DNAJC10: variants seen among roughly 807,000 people sequenced by gnomAD.
The protein encoded by DNAJC10 is DnaJ heat shock protein family (Hsp40) member C10.
DNAJC10 carries 101 observed loss-of-function variants against 115.0 expected under a neutral mutation model. That is an observed-to-expected ratio of 0.88 (90% CI 0.75 to 1.04). DNAJC10 has a LOEUF of 1.04. Among genes scored for constraint, DNAJC10 ranks in the 50% least tolerant of loss-of-function variants. The probability of loss-of-function intolerance (pLI) is 0.00; values close to 1 mark genes in which losing one functional copy is unlikely to be tolerated. For missense variants in DNAJC10, 981 were observed against 928.8 expected, an observed-to-expected ratio of 1.06 and a Z score of -0.73; for synonymous variants, 307 against 301.5, an observed-to-expected ratio of 1.02 and a Z score of -0.19.
In DNAJC10 at chr2:182,720,080, G is replaced by C. The variant is rs969357396; in HGVS notation, c.278G>C (p.Arg93Pro). 6 of 1,608,606 alleles carry C rather than the reference G, an allele frequency of 3.7e-6. No individual in the cohort carries two copies. Among genetic ancestry groups the C allele is most frequent in the Non-Finnish European group, 5.1e-6 (6 of 1,175,704 alleles). ...GAAGTACTCAAAGATGAAGATCTAC[G>C]GAAAAAGTATGACAAATATGGAGAA... ...AYEVLKDEDL[R>P]KKYDKYGEKG... The change falls in exon 4 of 24, where the codon CGG becomes CCG. Residue 93 changes from arginine to proline, a missense_variant. Coordinates refer to ENST00000264065, the MANE Select transcript of DNAJC10 (RefSeq NM_018981.4).
chr2:182,730,260 C>T (rs1693409695), intron 8 of DNAJC10, among the ~76,000 whole-genome samples: 1 of 152,134 alleles, frequency 6.6e-6, no homozygotes, highest in Non-Finnish European at 1.5e-5. Flanking sequence ...GCTTATCAAT[C>T]AGTAAATTCA....
chr2:182,770,536 T>C (rs868212199), intron 22 of DNAJC10, among the ~76,000 whole-genome samples: 22 of 152,330 alleles, frequency 1.4e-4, no homozygotes, highest in Middle Eastern at 3.4e-3. Context: ...TTCACATCCC[T>C]TGTAAGTTGG....
At chr2:182,732,452 A>AGAT in intron 9 of DNAJC10, 47 bp from the exon 10 acceptor site, 1 of 1,588,382 alleles carries the variant, frequency 6.3e-7, no homozygotes. Context: ...TATTTTCATC[A>AGAT]GGCTTAATAA....
chr2:182,771,968 T>A (rs1574958968), intron 22 of DNAJC10, among the ~76,000 whole-genome samples: 1 of 152,346 alleles, frequency 6.6e-6, no homozygotes, highest in African/African-American at 2.4e-5. Context: ...GTGCTATAAA[T>A]TTCCCTCTAA....
At chr2:182,775,210 AG>A in intron 22 of DNAJC10, 105 bp from the exon 23 acceptor site, 1 of 737,768 alleles carries the variant, frequency 1.4e-6, no homozygotes, top group Non-Finnish European at 2.2e-6. Context: ...AAACACTTCA[AG>A]TTTTGGAACA....
chr2:182,747,227 T>C (rs1693891123), intron 14 of DNAJC10, among the ~76,000 whole-genome samples: 2 of 150,742 alleles, frequency 1.3e-5, no homozygotes, highest in African/African-American at 2.4e-5. Flanking sequence ...CTTTTTTGGT[T>C]CCATATGAAC....
intron 13 of DNAJC10, 32 bp downstream of exon 13, chr2:182,741,388 C>A: frequency 8.8e-7 from 1 of 1,132,800 alleles, no homozygotes; most frequent in South Asian, 1.5e-5. Flanking sequence ...TAGCCTTCTG[C>A]TGGTGTACTT....
intron 20 of DNAJC10, 99 bp from the exon 21 acceptor site, chr2:182,759,061 G>A: frequency 8.6e-7 from 1 of 1,156,076 alleles, no homozygotes; most frequent in Non-Finnish European, 1.2e-6. Context: ...GCCCTTCCTT[G>A]ACATCATTTT....
intron 21 of DNAJC10, among the ~76,000 whole-genome samples, chr2:182,761,855 T>A (rs909889595): frequency 6.6e-6 from 1 of 152,020 alleles, no homozygotes; most frequent in South Asian, 2.1e-4. Context: ...GATGGAACTC[T>A]GATTGGATAT....
chr2:182,721,998 A>G (rs764821901), intron 4 of DNAJC10, 27 bp from the exon 5 acceptor site: 1 of 1,323,820 alleles, frequency 7.6e-7, no homozygotes, highest in South Asian at 1.4e-5. Flanking sequence ...TTTTGATTTT[A>G]TAATTTTTAT....
At chr2:182,776,591 A>G (rs932025701) in intron 23 of DNAJC10, among the ~76,000 whole-genome samples, 1 of 152,200 alleles carries the variant, frequency 6.6e-6, no homozygotes, top group Admixed American at 6.5e-5. Flanking sequence ...ATATTAGACA[A>G]TAGGTTCTAC....
rs1574969423 is a variant in DNAJC10 at position 182,789,340 on chromosome 2, C to G, written c.*12208C>G. The G allele has an allele frequency of 6.5e-6, 1 of 153,998 alleles. No homozygotes were observed. Among genetic ancestry groups the G allele is most frequent in the Non-Finnish European group, 1.4e-5 (1 of 69,446 alleles). The allele number at this position is 153,998 out of a possible 1,614,324, so 9.5% of individuals were successfully genotyped here. A position where few individuals can be genotyped will look rare whatever the true frequency, so the allele number is the denominator to read the frequency against. ...AGGTTCAAGCGATTCTCCTGCCTCACCCTCCCAAGTAGCTGGGACTGCAGG... is the reference window on the plus strand; with the variant it reads ...AGGTTCAAGCGATTCTCCTGCCTCAGCCTCCCAAGTAGCTGGGACTGCAGG... On this transcript the variant is annotated 3_prime_UTR_variant, in exon 24 of 24. Coordinates refer to ENST00000264065, the MANE Select transcript of DNAJC10 (RefSeq NM_018981.4).
intron 14 of DNAJC10, among the ~76,000 whole-genome samples, chr2:182,748,419 G>T (rs1693927170): frequency 6.6e-6 from 1 of 152,134 alleles, no homozygotes; most frequent in Non-Finnish European, 1.5e-5. Flanking sequence ...CCTGTTATTG[G>T]TCTATTCAGA....
chr2:182,718,297 A>G lies in DNAJC10; in HGVS notation c.204+7A>G, dbSNP rs752887993. ...ACATCCTGATAAAAACCCGGTAGGT[A>G]AACGTTTGTTTTTAAAAATATTTGA... On this transcript the variant is annotated splice_region_variant and intron_variant, in intron 3 of 23. Transcript: ENST00000264065. 1.3e-6 allele frequency: 2 copies of G among 1,572,758 alleles called. No individual in the cohort carries two copies. The highest frequency in any genetic ancestry group is 2.7e-5 in the African/African-American group (2 of 72,966).
chr2:182,736,183 G>T, intron 10 of DNAJC10, 66 bp from the exon 11 acceptor site: 5 of 1,488,936 alleles, frequency 3.4e-6, no homozygotes, highest in Non-Finnish European at 4.5e-6. Flanking sequence ...GCTAAGTAAA[G>T]CTCTAAATCC....
chr2:182,759,873 C>G (rs1306194988), intron 21 of DNAJC10, among the ~76,000 whole-genome samples: 1 of 151,992 alleles, frequency 6.6e-6, no homozygotes, highest in Non-Finnish European at 1.5e-5. Context: ...TATGACTATT[C>G]TGTTTTCCAT....
chr2:182,776,298 A>G (rs1694704668), intron 23 of DNAJC10, among the ~76,000 whole-genome samples: 2 of 152,192 alleles, frequency 1.3e-5, no homozygotes, highest in Admixed American at 6.5e-5. Flanking sequence ...ATTGAAACCC[A>G]TATTTGTGTT....
chr2:182,732,010 G>A (rs1005326779), intron 9 of DNAJC10, among the ~76,000 whole-genome samples: 1 of 152,044 alleles, frequency 6.6e-6, no homozygotes, highest in African/African-American at 2.4e-5. Flanking sequence ...TGATGCTATA[G>A]CTCTCTTTCT....
chr2:182,783,671 TTC>T lies in DNAJC10; in HGVS notation c.*6541_*6542del, dbSNP rs1344689524. The T allele has an allele frequency of 6.6e-6, 1 of 152,162 alleles. No homozygotes were observed. Among genetic ancestry groups the T allele is most frequent in the Non-Finnish European group, 1.5e-5 (1 of 68,026 alleles). 9.4% of individuals were successfully genotyped at this position (152,162 alleles called of 1,614,324 possible). ...TCTTGTTTTATATTTTAAATATACTTTCTATTTTGTGACAGGAGTGAAAAAAT... is the reference window on the plus strand; with the variant it reads ...TCTTGTTTTATATTTTAAATATACTTTATTTTGTGACAGGAGTGAAAAAAT... On this transcript the variant is annotated 3_prime_UTR_variant, in exon 24 of 24. Coordinates refer to ENST00000264065, the MANE Select transcript of DNAJC10 (RefSeq NM_018981.4).
Sources: gnomAD v4.1 joint callset for allele counts (sites outside exome capture counted in the v4.1 genomes callset) on GRCh38, gnomAD v4.1.1 for gene constraint, MANE v1.5 for transcripts, NCBI Gene and HGNC (gene_info 2026-07-23, HGNC 2026-07-21) for gene names.